The following CSMD1 variants were observed in gnomAD, a reference collection of about 807,000 sequenced individuals.
CSMD1 encodes the protein CUB and Sushi multiple domains 1.
CSMD1 carries 213 observed loss-of-function variants against 417.5 expected under a neutral mutation model. That is an observed-to-expected ratio of 0.51 (90% confidence interval 0.46 to 0.57). The LOEUF (loss-of-function observed/expected upper bound fraction) is 0.57, where lower values mean the gene tolerates loss of function less well. CSMD1 is among the 20% of genes least tolerant of loss of function. The probability of loss-of-function intolerance (pLI) is 0.00; values close to 1 mark genes in which losing one functional copy is unlikely to be tolerated. For synonymous variants in CSMD1, 2,862 were observed against 1,736.8 expected (o/e 1.65, Z -16.11); for missense variants, 6,923 against 4,529.7 (o/e 1.53, Z -15.17).
chr8:4,065,439 A>G (rs562596507), intron 3 of CSMD1, among the ~76,000 whole-genome samples: 8 of 152,334 alleles, frequency 5.3e-5, no homozygotes, highest in African/African-American at 1.7e-4. Context: ...TTGAATCAAT[A>G]TAATAGGAAA....
intron 10 of CSMD1, among the ~76,000 whole-genome samples, chr8:3,524,731 C>A (rs980632625): frequency 2.0e-5 from 3 of 151,116 alleles, no homozygotes; most frequent in Admixed American, 1.3e-4. Flanking sequence ...CACACACACA[C>A]ATGCACACCG....
At chr8:3,206,649 TGTATGTGTGTGGGG>T (rs1376929977) in intron 30 of CSMD1, among the ~76,000 whole-genome samples, 33 of 142,296 alleles carry the variant, frequency 2.3e-4, no homozygotes, top group African/African-American at 7.9e-4. Context: ...TGTGTGTGGG[TGTATGTGTGTGGGG>T]GTATGTCTGT....
chr8:3,606,205 T>A (rs1246494214), intron 8 of CSMD1, among the ~76,000 whole-genome samples: 2 of 152,116 alleles, frequency 1.3e-5, no homozygotes, highest in East Asian at 1.9e-4. Context: ...CAAGGTGCAG[T>A]CACTTGTCTT....
intron 3 of CSMD1, among the ~76,000 whole-genome samples, chr8:4,231,431 G>A (rs1051185141): frequency 6.6e-6 from 1 of 152,210 alleles, no homozygotes; most frequent in African/African-American, 2.4e-5. Flanking sequence ...TACGATAAAA[G>A]TGATAGGTGT....
rs557442853 is a variant in CSMD1, at chr8:4,649,721, C to T, written c.86-12163G>A. ...ATTAAACGTTTTTGTGTATCTGAGCCGAAGGCTAAATTCTGTTTCTTTGTC... is the reference window on the plus strand; with the variant it reads ...ATTAAACGTTTTTGTGTATCTGAGCTGAAGGCTAAATTCTGTTTCTTTGTC... On this transcript the variant is annotated intron_variant, in intron 1 of 69. Transcript: ENST00000635120. Among the ~76,000 whole-genome samples, 16 of 152,258 alleles carry T rather than the reference C, an allele frequency of 1.1e-4. No individual in the cohort carries two copies. In the South Asian group the frequency reaches 2.1e-3, roughly 20 times the overall value.
At chr8:4,696,875 T>G (rs989993545) in intron 1 of CSMD1, among the ~76,000 whole-genome samples, 4 of 152,204 alleles carry the variant, frequency 2.6e-5, no homozygotes, top group Non-Finnish European at 5.9e-5. Flanking sequence ...CTTGAAACTA[T>G]GAATTCAAAA....
chr8:4,152,357 G>C (rs763907137), intron 3 of CSMD1, among the ~76,000 whole-genome samples: 1 of 152,074 alleles, frequency 6.6e-6, no homozygotes, highest in African/African-American at 2.4e-5. Flanking sequence ...CACGTAAGCA[G>C]GAATGCTTAT....
intron 6 of CSMD1, among the ~76,000 whole-genome samples, chr8:3,713,039 AT>A (rs753418281): frequency 2.6e-5 from 4 of 152,168 alleles, no homozygotes; most frequent in Non-Finnish European, 5.9e-5. Flanking sequence ...TAAAAAAAAA[AT>A]TCCCCAAAAG....
At chr8:4,924,369 T>G (rs973067158) in intron 1 of CSMD1, among the ~76,000 whole-genome samples, 37 of 152,340 alleles carry the variant, frequency 2.4e-4, no homozygotes, top group African/African-American at 8.4e-4. Flanking sequence ...GTTCTATTTT[T>G]ATTGAATTAA....
chr8:3,531,683 G>A (rs934435063), intron 10 of CSMD1, among the ~76,000 whole-genome samples: 1 of 152,130 alleles, frequency 6.6e-6, no homozygotes, highest in African/African-American at 2.4e-5. Context: ...GATAATGAGG[G>A]CAAAGAGTCC....
chr8:3,582,007 T>C lies in CSMD1; in HGVS notation c.1222+4129A>G, dbSNP rs1177544083. 2.0e-5 allele frequency among the ~76,000 whole-genome samples: 3 copies of C among 152,088 alleles called. No homozygotes were observed. In the East Asian group the frequency reaches 5.8e-4, roughly 30 times the overall value. Reference sequence around the variant, plus strand: ...ACAGAGTTTCACTATGTTGGCCAGGTTGGTCTTGAACTCCTGACCTCAGGT... The same window carrying C: ...ACAGAGTTTCACTATGTTGGCCAGGCTGGTCTTGAACTCCTGACCTCAGGT... On this transcript the variant is annotated intron_variant, in intron 9 of 69. Transcript: ENST00000635120.
At chr8:3,522,861 T>C (rs1009635910) in intron 10 of CSMD1, among the ~76,000 whole-genome samples, 1 of 149,956 alleles carries the variant, frequency 6.7e-6, no homozygotes, top group Non-Finnish European at 1.5e-5. Flanking sequence ...ATTATATATT[T>C]AATGTAAATT....
At chr8:3,340,349 A>C (rs566549592) in intron 23 of CSMD1, among the ~76,000 whole-genome samples, 38 of 152,318 alleles carry the variant, frequency 2.5e-4, no homozygotes, top group African/African-American at 8.9e-4. Flanking sequence ...TGAAGGGATA[A>C]AGAAATATTG....
chr8:3,762,591 A>T (rs1798067887), intron 5 of CSMD1, among the ~76,000 whole-genome samples: 1 of 152,212 alleles, frequency 6.6e-6, no homozygotes, highest in African/African-American at 2.4e-5. Flanking sequence ...TAGCCATAAC[A>T]TGGGAAGCCC....
At chr8:4,709,723 C>T (rs1310955216) in intron 1 of CSMD1, among the ~76,000 whole-genome samples, 1 of 152,166 alleles carries the variant, frequency 6.6e-6, no homozygotes, top group Non-Finnish European at 1.5e-5. Context: ...GGAAGCATAG[C>T]AGGAAGGCTG....
intron 3 of CSMD1, among the ~76,000 whole-genome samples, chr8:4,379,241 T>A (rs1802946246): frequency 6.6e-6 from 1 of 152,074 alleles, no homozygotes; most frequent in Admixed American, 6.6e-5. Flanking sequence ...TCAGAAAGCC[T>A]CAACATGTGG....
chr8:3,045,550 C>G lies in CSMD1; in HGVS notation c.7660+6912G>C, dbSNP rs528434862. On this transcript the variant is annotated intron_variant, in intron 50 of 69. Transcript: ENST00000635120. Reference sequence around the variant, plus strand: ...ATTTTAGAGAAAATTAGGCCTTGTCCTTAAAGCCACTGGTCTATTACCTAT... The same window carrying G: ...ATTTTAGAGAAAATTAGGCCTTGTCGTTAAAGCCACTGGTCTATTACCTAT... Among the ~76,000 whole-genome samples the G allele has an allele frequency of 7.9e-5, 12 of 152,250 alleles. No individual in the cohort carries two copies. The South Asian group carries it at 2.3e-3, about 29-fold the overall frequency.
At chr8:4,309,639 T>G (rs889245626) in intron 3 of CSMD1, among the ~76,000 whole-genome samples, 2 of 152,178 alleles carry the variant, frequency 1.3e-5, no homozygotes, top group Admixed American at 6.6e-5. Context: ...AGGGGCATAC[T>G]GCTACTGAAA....
chr8:4,389,402 G>C (rs1257927697), intron 3 of CSMD1, among the ~76,000 whole-genome samples: 3 of 152,122 alleles, frequency 2.0e-5, no homozygotes, highest in Admixed American at 2.0e-4. Context: ...CCCAGAATTA[G>C]ACCATAGAAA....
Sources: gnomAD v4.1 joint callset for allele counts (sites outside exome capture counted in the v4.1 genomes callset) on GRCh38, gnomAD v4.1.1 for gene constraint, MANE v1.5 for transcripts, NCBI Gene and HGNC (gene_info 2026-07-23, HGNC 2026-07-21) for gene names.